PKP1: variants seen among roughly 807,000 people sequenced by gnomAD.
PKP1 encodes the protein plakophilin-1.
In PKP1, 27 loss-of-function variants were observed where a neutral mutation model predicts 76.4. The ratio of observed to expected loss-of-function variants is 0.35; its 90% CI spans 0.26 to 0.49. The LOEUF (loss-of-function observed/expected upper bound fraction) is 0.49. Ranked by LOEUF, PKP1 falls within the 20% of genes least tolerant of loss-of-function variation. The pLI is 0.99. For synonymous variants in PKP1, 404 were observed against 384.2 expected (o/e 1.05, Z -0.60); for missense variants, 964 against 955.2 (o/e 1.01, Z -0.12).
Position 201,313,541 on chromosome 1 carries a change from C to T in PKP1, c.682C>T (p.His228Tyr), listed in dbSNP as rs1656632610. ...ISCNKDLSFG[H>Y]SRASSKICSE... ...CTGCAACAAGGACCTGTCCTTTGGC[C>T]ACTCTAGGGCCAGCTCCAAGTGAGT... The change falls in exon 3 of 14, where the codon CAC (histidine) becomes TAC (tyrosine). Residue 228 changes from histidine (H) to tyrosine (Y), a missense_variant. Transcript: ENST00000367324. 1 of 1,613,400 alleles carries T rather than the reference C, an allele frequency of 6.2e-7. No homozygotes were observed. The highest frequency in any genetic ancestry group is 2.2e-5 in the East Asian group (1 of 44,892).
In PKP1 at chr1:201,283,720, C is replaced by T; in HGVS notation, c.18C>T (p.Leu6=). The change falls in exon 1 of 14, where the codon CTC becomes CTT. Residue 6 remains leucine, a synonymous_variant. Coordinates refer to ENST00000367324, the MANE Select transcript of PKP1 (RefSeq NM_001005337.3). MNHSP[L]KTALAYECFQ... is the part of the protein sequence containing the mutation. ...CCGCCACCATGAACCACTCGCCGCT[C>T]AAGACCGCCTTGGCGTACGAATGCT... The T allele has an allele frequency of 1.2e-6, 2 of 1,613,956 alleles. No homozygotes were observed. The highest frequency in any genetic ancestry group is 4.5e-5 in the East Asian group (2 of 44,862).
chr1:201,297,191 G>A (rs1280475302), intron 2 of PKP1, among the ~76,000 whole-genome samples: 1 of 152,144 alleles, frequency 6.6e-6, no homozygotes, highest in Admixed American at 6.5e-5. Flanking sequence ...CAAAGATAGT[G>A]TGACACACAA....
intron 4 of PKP1, 130 bp downstream of exon 4, chr1:201,316,827 C>A (rs764091286): frequency 1.9e-5 from 18 of 960,828 alleles, no homozygotes; most frequent in Middle Eastern, 3.2e-4. Context: ...CTGCCAGGAG[C>A]CTTCGCATTG....
chr1:201,331,983 A>C lies in PKP1; in HGVS notation c.*1942A>C, dbSNP rs12120834. 0.16 allele frequency: 25,114 copies of C among 152,438 alleles called. 2,929 individuals carry two copies. Among genetic ancestry groups the C allele is most frequent in the African/African-American group, 0.33 (13,661 of 41,514 alleles). The allele number at this position is 152,438 out of a possible 1,614,324, so 9.4% of individuals were successfully genotyped here. A position where few individuals can be genotyped will look rare whatever the true frequency, so the allele number is the denominator to read the frequency against. Reference sequence around the variant, plus strand: ...TCTTCTCCTAAAAAATACGTATGGCATACCAATCTGTGCGGGGCAGTGTCC... The same window carrying C: ...TCTTCTCCTAAAAAATACGTATGGCCTACCAATCTGTGCGGGGCAGTGTCC... On this transcript the variant is annotated 3_prime_UTR_variant, in exon 14 of 14. Coordinates refer to ENST00000367324, the MANE Select transcript of PKP1 (RefSeq NM_001005337.3).
At chr1:201,286,006 G>A (rs1010086221) in intron 1 of PKP1, among the ~76,000 whole-genome samples, 7 of 152,206 alleles carry the variant, frequency 4.6e-5, no homozygotes, top group African/African-American at 9.7e-5. Context: ...TGGAAGAGGC[G>A]GTTTGGTCAC....
At chr1:201,292,227 C>T (rs766065485) in intron 1 of PKP1, among the ~76,000 whole-genome samples, 9 of 152,106 alleles carry the variant, frequency 5.9e-5, no homozygotes, top group Non-Finnish European at 1.2e-4. Flanking sequence ...CTCCTCTGAA[C>T]GCAGTCAGGC....
At chr1:201,322,958 T>C in intron 8 of PKP1, 55 bp from the exon 9 acceptor site, 2 of 1,563,566 alleles carry the variant, frequency 1.3e-6, no homozygotes, top group Non-Finnish European at 1.8e-6. Context: ...ATGCCTGGGT[T>C]GTGTCCTCTC....
chr1:201,320,138 T>G, intron 6 of PKP1, 129 bp from the exon 7 acceptor site: 1 of 722,378 alleles, frequency 1.4e-6, no homozygotes, highest in Non-Finnish European at 2.5e-6. Flanking sequence ...CCCCGTCGTC[T>G]CCTCTCTGCC....
chr1:201,323,379 G>C (rs1333785098), intron 9 of PKP1, among the ~76,000 whole-genome samples, 190 bp downstream of exon 9: 1 of 151,740 alleles, frequency 6.6e-6, no homozygotes. Flanking sequence ...AGCTGCTGGG[G>C]GATGCAGAGA....
At chr1:201,315,675 A>G (rs564141961) in intron 3 of PKP1, among the ~76,000 whole-genome samples, 2 of 152,248 alleles carry the variant, frequency 1.3e-5, no homozygotes, top group Non-Finnish European at 2.9e-5. Flanking sequence ...AGGTTAAAAC[A>G]TATGAAATTT....
At position 201,317,631 on chromosome 1, in the gene PKP1, C is replaced by T. The variant is rs190053583; in HGVS notation, c.906C>T (p.Asn302=). 128 of 1,614,088 alleles carry T rather than the reference C, an allele frequency of 7.9e-5. No homozygotes were observed. The highest frequency in any genetic ancestry group is 3.6e-4 in the East Asian group (16 of 44,868). The change falls in exon 5 of 14, where the codon AAC becomes AAT. Residue 302 remains asparagine, a synonymous_variant. Coordinates refer to ENST00000367324, the MANE Select transcript of PKP1 (RefSeq NM_001005337.3). The part of the protein sequence containing the change: ...LVDLLRSPNQ[N]VQQAAAGALR... ...ACCTCCTCCGCAGCCCCAACCAGAACGTCCAGCAGGCCGCGGCAGGGGCCC... is the reference window on the plus strand; with the variant it reads ...ACCTCCTCCGCAGCCCCAACCAGAATGTCCAGCAGGCCGCGGCAGGGGCCC...
Position 201,324,126 on chromosome 1 carries a change from C to A in PKP1, c.1681-302C>A, listed in dbSNP as rs1341629. Reference sequence around the variant, plus strand: ...GCGCTGAGACAGTGGGGTGAGAGAGCAGCATTGGACGCTTGGGTTACTCTG... The same window carrying A: ...GCGCTGAGACAGTGGGGTGAGAGAGAAGCATTGGACGCTTGGGTTACTCTG... On this transcript the variant is annotated intron_variant, in intron 9 of 13. Coordinates refer to ENST00000367324, the MANE Select transcript of PKP1 (RefSeq NM_001005337.3). 0.15 allele frequency among the ~76,000 whole-genome samples: 22,491 copies of A among 152,066 alleles called. 2,250 individuals carry two copies. Among genetic ancestry groups the A allele is most frequent in the African/African-American group, 0.29 (11,903 of 41,426 alleles).
At position 201,283,527 on chromosome 1, in the gene PKP1, A is replaced by G; in HGVS notation, c.-176A>G. 1 of 672,886 alleles carries G rather than the reference A, an allele frequency of 1.5e-6. No homozygotes were observed. Among genetic ancestry groups the G allele is most frequent in the Middle Eastern group, 3.9e-4 (1 of 2,560 alleles). The allele number at this position is 672,886 out of a possible 1,614,324, so 41.7% of individuals were successfully genotyped here. ...CGCCAGTGCCAGAGAGGGACGAACC[A>G]GGGTGGAAGCGCCAGGAGCAGCTGC... On this transcript the variant is annotated 5_prime_UTR_variant, in exon 1 of 14. Coordinates refer to ENST00000367324, the MANE Select transcript of PKP1 (RefSeq NM_001005337.3).
At chr1:201,286,668 A>G (rs561413391) in intron 1 of PKP1, among the ~76,000 whole-genome samples, 21 of 152,118 alleles carry the variant, frequency 1.4e-4, no homozygotes, top group Non-Finnish European at 2.2e-4. Context: ...GACCTTGCAG[A>G]AGGAGGTTGC....
At chr1:201,287,161 T>C (rs1307987482) in intron 1 of PKP1, among the ~76,000 whole-genome samples, 4 of 152,196 alleles carry the variant, frequency 2.6e-5, no homozygotes, top group African/African-American at 7.2e-5. Flanking sequence ...TTCATAGAAG[T>C]ACTGTTTCCC....
intron 2 of PKP1, among the ~76,000 whole-genome samples, chr1:201,311,762 C>G (rs549281141): frequency 4.9e-4 from 74 of 152,354 alleles, no homozygotes; most frequent in African/African-American, 1.7e-3. Flanking sequence ...TGGCCCATCC[C>G]AGCAAAGGTG....
At chr1:201,327,203 G>A (rs1657151376) in intron 12 of PKP1, among the ~76,000 whole-genome samples, 1 of 152,208 alleles carries the variant, frequency 6.6e-6, no homozygotes, top group Non-Finnish European at 1.5e-5. Context: ...TCTGTTTAAA[G>A]ACAGAGGAGA....
At chr1:201,293,195 G>A (rs1015138566) in intron 1 of PKP1, among the ~76,000 whole-genome samples, 13 of 152,186 alleles carry the variant, frequency 8.5e-5, no homozygotes, top group African/African-American at 3.1e-4. Flanking sequence ...GGGTGTCCCT[G>A]CTGGCCAGTG....
At chr1:201,289,583 G>A (rs1370695880) in intron 1 of PKP1, among the ~76,000 whole-genome samples, 2 of 152,136 alleles carry the variant, frequency 1.3e-5, no homozygotes, top group African/African-American at 4.8e-5. Context: ...ACCTGGGCCT[G>A]GGATTGGGGG....
Sources: allele counts gnomAD v4.1 joint callset (sites outside exome capture counted in the v4.1 genomes callset), GRCh38; gene constraint gnomAD v4.1.1; transcripts MANE v1.5; gene names NCBI Gene and HGNC (gene_info 2026-07-23, HGNC 2026-07-21).